Variants in PPIL2 observed in about 807,000 individuals in gnomAD.
PPIL2 encodes peptidylprolyl isomerase like 2, also known as RING-type E3 ubiquitin-protein ligase PPIL2.
Under a neutral mutation model 75.2 loss-of-function variants are expected in PPIL2, and 50 were observed. The ratio of observed to expected loss-of-function variants is 0.66; its 90% CI spans 0.53 to 0.84. PPIL2 has a LOEUF of 0.84. PPIL2 is among the 40% of genes least tolerant of loss of function. The pLI is 0.00. For synonymous variants in PPIL2, 245 were observed against 258.8 expected (o/e 0.95, Z 0.51); for missense variants, 590 against 685.0 (o/e 0.86, Z 1.55).
chr22:21,684,476 GAAA>G lies in PPIL2; in HGVS notation c.554-270_554-268del, dbSNP rs984067705. 3.5e-4 allele frequency among the ~76,000 whole-genome samples: 37 copies of G among 106,996 alleles called. No homozygotes were observed. In the East Asian group the frequency reaches 8.3e-3, roughly 24 times the overall value. The allele number at this position is 106,996 out of a possible 152,430, so 70.2% of individuals were successfully genotyped here. ...CCACAAAAAAAAAAAAAAAAAAAAA[GAAA>G]AAAAAAGCAAAGCGTATACTCTAAA... On this transcript the variant is annotated intron_variant, in intron 9 of 19. Transcript: ENST00000398831.
chr22:21,685,559 G>C, intron 10 of PPIL2: 1 of 391,568 alleles, frequency 2.6e-6, no homozygotes, highest in Non-Finnish European at 4.9e-6. Context: ...AAGAAAGCTT[G>C]TTGTCCAGTG....
intron 15 of PPIL2, among the ~76,000 whole-genome samples, chr22:21,693,008 T>A (rs1039849253): frequency 1.3e-5 from 2 of 151,990 alleles, no homozygotes; most frequent in Non-Finnish European, 2.9e-5. Context: ...TCTCCTCGTC[T>A]CATGGCAGTG....
rs531437493 is a variant in PPIL2, at chr22:21,695,060, C to T, written c.1456C>T (p.Pro486Ser). Residue 486 changes from proline (P) to serine (S), a missense_variant, in exon 19 of 20, where the codon CCA becomes TCA. Coordinates refer to ENST00000398831, the MANE Select transcript of PPIL2 (RefSeq NM_014337.4). ...CCAGGGCGTGGGCAAGTACATCAAC[C>T]CAGCAGCCACGTGAGTGCCGCGGGG... ...FRQGVGKYIN[P>S]AATKRAAEEE... 3 of 1,607,316 alleles carry T rather than the reference C, an allele frequency of 1.9e-6. No individual in the cohort carries two copies. The highest frequency in any genetic ancestry group is 2.2e-5 in the South Asian group (2 of 90,920).
intron 3 of PPIL2, 118 bp from the exon 4 acceptor site, chr22:21,670,879 G>A: frequency 9.6e-7 from 1 of 1,046,974 alleles, no homozygotes; most frequent in Non-Finnish European, 1.5e-6. Flanking sequence ...AGGTGGCCAG[G>A]CTGCCCAGAG....
At chr22:21,687,619 A>C in intron 12 of PPIL2, 24 bp from the exon 13 acceptor site, 1 of 1,579,848 alleles carries the variant, frequency 6.3e-7, no homozygotes, top group Middle Eastern at 1.7e-4. Context: ...TCTGCTTCAT[A>C]CAAGTATTGG....
At chr22:21,691,918 T>C (rs1385488103) in intron 15 of PPIL2, among the ~76,000 whole-genome samples, 1 of 152,086 alleles carries the variant, frequency 6.6e-6, no homozygotes, top group Non-Finnish European at 1.5e-5. Flanking sequence ...CAGGAGCGTG[T>C]CCCTGCGTGG....
intron 1 of PPIL2, 111 bp from the exon 2 acceptor site, chr22:21,669,802 T>G: frequency 1.7e-6 from 2 of 1,152,292 alleles, no homozygotes; most frequent in Non-Finnish European, 2.6e-6. Flanking sequence ...GCCCGCCCCA[T>G]AGTAGGTATT....
chr22:21,679,155 G>A (rs867176174), intron 6 of PPIL2, among the ~76,000 whole-genome samples: 3 of 151,866 alleles, frequency 2.0e-5, no homozygotes, highest in East Asian at 1.9e-4. Flanking sequence ...CTCTGCCTCC[G>A]AAAGTGCTGG....
chr22:21,695,453 AG>A lies in PPIL2; in HGVS notation c.1527del (p.Lys509AsnfsTer48). 1.2e-6 allele frequency: 2 copies of A among 1,609,180 alleles called. No individual in the cohort carries two copies. Among genetic ancestry groups the A allele is most frequent in the Non-Finnish European group, 1.7e-6 (2 of 1,177,696 alleles). The stretch of plus-strand genomic sequence containing the variant: ...GCCACTGTCCCCATGTCCAAGAAGA[AG>A]CCCAGTCGGGGTTTTGGGGACTTCA... ...TSATVPMSKKKPSRGFGDFSS... is the reference protein window; with the variant it reads ...TSATVPMSKKXPSRGFGDFSS... On this transcript the variant is annotated frameshift_variant, in exon 20 of 20. Transcript: ENST00000398831. LOFTEE classifies it high-confidence loss of function.
In PPIL2 at chr22:21,694,967, G is replaced by A. The variant is rs2067856583; in HGVS notation, c.1363G>A (p.Val455Ile). The A allele has an allele frequency of 3.7e-6, 6 of 1,613,934 alleles. No homozygotes were observed. Among genetic ancestry groups the A allele is most frequent in the African/African-American group, 2.7e-5 (2 of 75,082 alleles). Reference sequence around the variant, plus strand: ...GCAGGAGCGGAAGACACAGCTCAAGGTAGCCCCGGAGACCAAAGTGAAGAG... The same window carrying A: ...GCAGGAGCGGAAGACACAGCTCAAGATAGCCCCGGAGACCAAAGTGAAGAG... ...IAQERKTQLK[V>I]APETKVKSSQ... Residue 455 changes from valine to isoleucine, a missense_variant, in exon 19 of 20, where the codon GTA (valine) becomes ATA (isoleucine). Transcript: ENST00000398831.
intron 15 of PPIL2, among the ~76,000 whole-genome samples, chr22:21,693,301 G>A (rs1041419938): frequency 6.6e-6 from 1 of 152,194 alleles, no homozygotes; most frequent in African/African-American, 2.4e-5. Flanking sequence ...ACCTGCCTTG[G>A]CCTCCCAAAG....
intron 9 of PPIL2, among the ~76,000 whole-genome samples, chr22:21,684,122 G>A (rs1298051219): frequency 2.0e-5 from 3 of 151,870 alleles, no homozygotes; most frequent in Admixed American, 1.3e-4. Context: ...CAGGAGAATC[G>A]ATTGAGCCCA....
chr22:21,696,675 C>T lies in PPIL2; in HGVS notation c.*1185C>T. On this transcript the variant is annotated 3_prime_UTR_variant, in exon 20 of 20. Coordinates refer to ENST00000398831, the MANE Select transcript of PPIL2 (RefSeq NM_014337.4). ...AGGCCACCCCCCACTTCTAGTTCTT[C>T]ACACTAAGCCCTAACTTAGGCCTTG... 2.6e-6 allele frequency: 4 copies of T among 1,532,384 alleles called. No homozygotes were observed. The highest frequency in any genetic ancestry group is 3.5e-6 in the Non-Finnish European group (4 of 1,145,032). The allele number at this position is 1,532,384 out of a possible 1,614,324, so 94.9% of individuals were successfully genotyped here.
rs1374439481 is a variant in PPIL2, at chr22:21,682,494, C to T, written c.445C>T (p.Pro149Ser). Residue 149 changes from proline to serine, a missense_variant, in exon 8 of 20, where the codon CCC (proline) becomes TCC (serine). Coordinates refer to ENST00000398831, the MANE Select transcript of PPIL2 (RefSeq NM_014337.4). ...CTTCCGGGACCTGCTGACCGACGAG[C>T]CCTTCTCCCGGCAGGACATCATCAC... Reference protein sequence around the residue: ...KNFRDLLTDEPFSRQDIITLQ... With the variant: ...KNFRDLLTDESFSRQDIITLQ... 1.9e-6 allele frequency: 3 copies of T among 1,602,612 alleles called. No individual in the cohort carries two copies. Among genetic ancestry groups the T allele is most frequent in the African/African-American group, 2.7e-5 (2 of 72,948 alleles).
At chr22:21,680,827 CT>C (rs1272356087) in intron 6 of PPIL2, among the ~76,000 whole-genome samples, 1 of 35,874 alleles carries the variant, frequency 2.8e-5, no homozygotes, top group South Asian at 1.1e-3. Flanking sequence ...GAGACTCCAT[CT>C]CAAAAAAAAA....
intron 6 of PPIL2, 60 bp downstream of exon 6, chr22:21,675,175 T>G: frequency 7.0e-7 from 1 of 1,420,026 alleles, no homozygotes; most frequent in Non-Finnish European, 9.9e-7. Flanking sequence ...GGCCCAGCTC[T>G]CACCAGTTTT....
intron 14 of PPIL2, 42 bp downstream of exon 14, chr22:21,688,148 C>T: frequency 6.2e-7 from 1 of 1,613,108 alleles, no homozygotes; most frequent in Non-Finnish European, 8.5e-7. Flanking sequence ...ACTTTGGCTG[C>T]TCCGTGGGGC....
chr22:21,683,085 T>C lies in PPIL2; in HGVS notation c.478-97T>C. 2.8e-6 allele frequency: 3 copies of C among 1,076,174 alleles called. 1 individual carries two copies. The South Asian group carries it at 3.8e-5, about 14-fold the overall frequency. The allele number at this position is 1,076,174 out of a possible 1,614,324, so 66.7% of individuals were successfully genotyped here. A position where few individuals can be genotyped will look rare whatever the true frequency, so the allele number is the denominator to read the frequency against. On this transcript the variant is annotated intron_variant, in intron 8 of 19. Coordinates refer to ENST00000398831, the MANE Select transcript of PPIL2 (RefSeq NM_014337.4). ...CCAACCTCAGTGTAGCCCTGGCCTC[T>C]TCCACACCTCTGACAGCTGGCCGTC...
intron 10 of PPIL2, 146 bp from the exon 11 acceptor site, chr22:21,686,337 G>T (rs780536003): frequency 3.3e-4 from 237 of 710,644 alleles, no homozygotes; most frequent in Non-Finnish European, 5.3e-4. Context: ...TCCTCCTGCT[G>T]GTTGGGGAGG....
Sources: gnomAD v4.1 joint callset for allele counts (sites outside exome capture counted in the v4.1 genomes callset) on GRCh38, gnomAD v4.1.1 for gene constraint, MANE v1.5 for transcripts, NCBI Gene and HGNC (gene_info 2026-07-23, HGNC 2026-07-21) for gene names.